Variants in CEP128 observed in about 807,000 individuals in gnomAD.
CEP128 encodes centrosomal protein 128.
A neutral mutation model predicts 156.7 loss-of-function variants in CEP128; 132 were observed. The ratio of observed to expected loss-of-function variants is 0.84; its 90% CI spans 0.73 to 0.97. The LOEUF is 0.97. CEP128 is among the 50% of genes least tolerant of loss of function. The pLI is 0.00. For synonymous variants in CEP128, 469 were observed against 448.9 expected, an observed-to-expected ratio of 1.04 and a Z score of -0.57; for missense variants, 1,252 against 1,281.9, an observed-to-expected ratio of 0.98 and a Z score of 0.36.
At chr14:80,783,036 C>T (rs555957429) in intron 15 of CEP128, among the ~76,000 whole-genome samples, 2 of 152,200 alleles carry the variant, frequency 1.3e-5, no homozygotes, top group South Asian at 2.1e-4. Context: ...TAACTGGCTC[C>T]GAAATATTTC....
chr14:80,744,473 G>GT, intron 18 of CEP128, among the ~76,000 whole-genome samples: 1 of 152,118 alleles, frequency 6.6e-6, no homozygotes, highest in African/African-American at 2.4e-5. Context: ...TGAAATAACC[G>GT]TAAGTGCTAA....
chr14:80,888,757 A>G (rs925486503), intron 8 of CEP128, among the ~76,000 whole-genome samples: 2 of 152,178 alleles, frequency 1.3e-5, no homozygotes, highest in Non-Finnish European at 1.5e-5. Flanking sequence ...CCTATTCAAC[A>G]TAGTATTGGA....
chr14:80,547,214 C>T (rs1411511229), intron 21 of CEP128, among the ~76,000 whole-genome samples: 1 of 152,162 alleles, frequency 6.6e-6, no homozygotes, highest in African/African-American at 2.4e-5. Context: ...TATGAAACTC[C>T]ATTTACCAGT....
intron 19 of CEP128, among the ~76,000 whole-genome samples, chr14:80,631,785 T>C (rs888575987): frequency 6.6e-6 from 1 of 152,126 alleles, no homozygotes; most frequent in Non-Finnish European, 1.5e-5. Context: ...AGGTGTCAGA[T>C]ATTAAAAAGA....
chr14:80,793,145 T>C, intron 13 of CEP128, 35 bp from the exon 14 acceptor site: 1 of 1,541,004 alleles, frequency 6.5e-7, no homozygotes, highest in Non-Finnish European at 8.9e-7. Context: ...TAGGAACAAA[T>C]CCTTGTCAAA....
intron 16 of CEP128, among the ~76,000 whole-genome samples, chr14:80,774,791 C>T (rs948746802): frequency 2.0e-4 from 30 of 152,140 alleles, no homozygotes; most frequent in African/African-American, 7.2e-4. Context: ...ATAAAAGTGC[C>T]CACCTGTTTG....
At chr14:80,503,274 A>AT (rs1354974063) in intron 24 of CEP128, among the ~76,000 whole-genome samples, 1 of 152,138 alleles carries the variant, frequency 6.6e-6, no homozygotes, top group Non-Finnish European at 1.5e-5. Context: ...ATATTTTCCT[A>AT]TTTAACTTTA....
intron 19 of CEP128, among the ~76,000 whole-genome samples, chr14:80,635,360 C>G (rs144412016): frequency 6.6e-6 from 1 of 152,116 alleles, no homozygotes; most frequent in Non-Finnish European, 1.5e-5. Context: ...ATCACTATCA[C>G]GCAGTCCCAA....
At position 80,693,329 on chromosome 14, in the gene CEP128, G is replaced by A. The variant is rs1038701179; in HGVS notation, c.2806+49746C>T. The stretch of plus-strand genomic sequence containing the variant: ...TTCATGTATCTCCTGGAAAGAAAAC[G>A]ACATCTACATGTTATTTGTGCAGTA... On this transcript the variant is annotated intron_variant, in intron 19 of 24. Coordinates refer to ENST00000555265, the MANE Select transcript of CEP128 (RefSeq NM_152446.5). 3.9e-5 allele frequency among the ~76,000 whole-genome samples: 6 copies of A among 151,962 alleles called. No individual in the cohort carries two copies. The East Asian group carries it at 7.7e-4, about 20-fold the overall frequency.
At chr14:80,786,054 T>C (rs547557745) in intron 14 of CEP128, among the ~76,000 whole-genome samples, 1 of 152,184 alleles carries the variant, frequency 6.6e-6, no homozygotes, top group Non-Finnish European at 1.5e-5. Flanking sequence ...ATTTTTAAAA[T>C]ATCAATGGTG....
At chr14:80,801,543 A>C (rs371378013) in intron 13 of CEP128, among the ~76,000 whole-genome samples, 27 of 152,268 alleles carry the variant, frequency 1.8e-4, no homozygotes, top group Middle Eastern at 3.4e-3. Context: ...CCACATCAAA[A>C]AGTGGGCAAA....
intron 2 of CEP128, among the ~76,000 whole-genome samples, chr14:80,920,177 C>T (rs1175603295): frequency 6.6e-6 from 1 of 152,206 alleles, no homozygotes; most frequent in Non-Finnish European, 1.5e-5. Context: ...AGCTAACTAA[C>T]AGAGCACCTA....
At chr14:80,935,602 A>G (rs1263472092) in intron 2 of CEP128, among the ~76,000 whole-genome samples, 2 of 140,012 alleles carry the variant, frequency 1.4e-5, no homozygotes, top group Non-Finnish European at 3.1e-5. Flanking sequence ...AAATAAATAA[A>G]AATAAAGTAC....
intron 8 of CEP128, among the ~76,000 whole-genome samples, chr14:80,877,054 G>A (rs1025108072): frequency 6.6e-6 from 1 of 152,152 alleles, no homozygotes; most frequent in Admixed American, 6.5e-5. Context: ...GGGGTTTATG[G>A]AGTTGAGGTG....
chr14:80,615,951 T>C lies in CEP128; in HGVS notation c.2807-35528A>G, dbSNP rs539666900. Reference sequence around the variant, plus strand: ...AAGATTGAGAAATAGATTGTCTCGATTTATATCAGCACAGTCTGTGGCCTG... The same window carrying C: ...AAGATTGAGAAATAGATTGTCTCGACTTATATCAGCACAGTCTGTGGCCTG... On this transcript the variant is annotated intron_variant, in intron 19 of 24. Coordinates refer to ENST00000555265, the MANE Select transcript of CEP128 (RefSeq NM_152446.5). 1.8e-4 allele frequency among the ~76,000 whole-genome samples: 28 copies of C among 152,296 alleles called. No homozygotes were observed. The South Asian group carries it at 5.6e-3, about 30-fold the overall frequency.
chr14:80,641,949 G>A (rs1894427002), intron 19 of CEP128, among the ~76,000 whole-genome samples: 1 of 151,898 alleles, frequency 6.6e-6, no homozygotes, highest in Non-Finnish European at 1.5e-5. Context: ...AATTAGCTGG[G>A]CGTGGTGGCG....
rs567732030 is a variant in CEP128 at position 80,784,274 on chromosome 14, C to T, written c.2211+621G>A. 1.8e-4 allele frequency among the ~76,000 whole-genome samples: 23 copies of T among 127,214 alleles called. No homozygotes were observed. In the East Asian group the frequency reaches 4.5e-3, roughly 25 times the overall value. The allele number at this position is 127,214 out of a possible 152,430, so 83.5% of individuals were successfully genotyped here. On this transcript the variant is annotated intron_variant, in intron 15 of 24. Coordinates refer to ENST00000555265, the MANE Select transcript of CEP128 (RefSeq NM_152446.5). ...AATATGGAATCTATATCATATGACACGTGTTATGAAAAAAAAAAAAAAGAC... is the reference window on the plus strand; with the variant it reads ...AATATGGAATCTATATCATATGACATGTGTTATGAAAAAAAAAAAAAAGAC...
At chr14:80,673,478 C>G (rs1175267893) in intron 19 of CEP128, among the ~76,000 whole-genome samples, 1 of 57,064 alleles carries the variant, frequency 1.8e-5, no homozygotes, top group Non-Finnish European at 3.6e-5. Flanking sequence ...CCCGTCTCTA[C>G]TAAAAATACA....
chr14:80,697,801 T>C (rs188775139), intron 19 of CEP128, among the ~76,000 whole-genome samples: 203 of 152,082 alleles, frequency 1.3e-3, no homozygotes, highest in Non-Finnish European at 1.4e-3. Context: ...CACTGAACAA[T>C]GGGTTGATAA....
Sources: gnomAD v4.1 joint callset for allele counts (sites outside exome capture counted in the v4.1 genomes callset) on GRCh38, gnomAD v4.1.1 for gene constraint, MANE v1.5 for transcripts, NCBI Gene and HGNC (gene_info 2026-07-23, HGNC 2026-07-21) for gene names.